The following PCDH9 variants were observed in gnomAD, a reference collection of about 807,000 sequenced individuals.
The protein encoded by PCDH9 is protocadherin 9.
In PCDH9, 24 loss-of-function variants were observed where a neutral mutation model predicts 70.6. The ratio of observed to expected loss-of-function variants is 0.34; its 90% CI spans 0.25 to 0.48. The LOEUF is 0.48. PCDH9 is among the 20% of genes least tolerant of loss of function. PCDH9 has a pLI of 0.99. For missense variants in PCDH9, 1,281 were observed against 1,503.6 expected, an observed-to-expected ratio of 0.85 and a Z score of 2.45; for synonymous variants, 562 against 558.5, an observed-to-expected ratio of 1.01 and a Z score of -0.09.
At chr13:66,693,767 C>G (rs551404478) in intron 3 of PCDH9, among the ~76,000 whole-genome samples, 1 of 152,226 alleles carries the variant, frequency 6.6e-6, no homozygotes, top group South Asian at 2.1e-4. Flanking sequence ...TTAGGTGGGT[C>G]CAGTTAATTA....
rs1333172633 is a variant in PCDH9, at chr13:66,763,952, C to T, written c.3139-132541G>A. Among the ~76,000 whole-genome samples the T allele has an allele frequency of 3.3e-5, 5 of 151,868 alleles. No homozygotes were observed. In the South Asian group the frequency reaches 6.2e-4, roughly 19 times the overall value. ...TAGCTGGGATTACAGGTGCCCACCA[C>T]AACACTCGACTAATTGTTGTATTTT... is the stretch of plus-strand genomic sequence containing the variant. On this transcript the variant is annotated intron_variant, in intron 3 of 4. Transcript: ENST00000377865.
chr13:67,011,467 T>G (rs2084450747), intron 2 of PCDH9, among the ~76,000 whole-genome samples: 1 of 151,976 alleles, frequency 6.6e-6, no homozygotes, highest in Non-Finnish European at 1.5e-5. Flanking sequence ...TGCTTTTCAT[T>G]AGATATCTGT....
chr13:67,216,683 C>T (rs1346428486), intron 2 of PCDH9: 26 of 90,722 alleles, frequency 2.9e-4, no homozygotes, highest in Admixed American at 4.7e-4. Flanking sequence ...TCTTAAGCAA[C>T]ATATATATAT....
chr13:66,464,053 T>C (rs759211544), intron 4 of PCDH9, among the ~76,000 whole-genome samples: 15 of 151,836 alleles, frequency 9.9e-5, no homozygotes, highest in Admixed American at 2.0e-4. Context: ...ACCACCAAAG[T>C]GATCAATGGC....
At chr13:66,721,883 C>T (rs988666406) in intron 3 of PCDH9, among the ~76,000 whole-genome samples, 4 of 152,110 alleles carry the variant, frequency 2.6e-5, no homozygotes, top group Non-Finnish European at 4.4e-5. Flanking sequence ...CTAGAAATTC[C>T]TCATATCTCC....
chr13:66,843,496 C>T (rs1388638687), intron 3 of PCDH9, among the ~76,000 whole-genome samples: 1 of 152,184 alleles, frequency 6.6e-6, no homozygotes, highest in Non-Finnish European at 1.5e-5. Context: ...CTGGAATCCA[C>T]TTCATTTATT....
intron 4 of PCDH9, among the ~76,000 whole-genome samples, chr13:66,389,176 CA>C (rs1956978361): frequency 6.6e-6 from 1 of 152,068 alleles, no homozygotes; most frequent in Non-Finnish European, 1.5e-5. Context: ...CAAATCTTAG[CA>C]TCTAGTCCTA....
chr13:66,485,015 T>C (rs189808683), intron 4 of PCDH9, among the ~76,000 whole-genome samples: 1 of 152,360 alleles, frequency 6.6e-6, no homozygotes, highest in African/African-American at 2.4e-5. Context: ...TTATTTATGT[T>C]TTCACAAAAT....
At chr13:66,561,187 G>A (rs1326790106) in intron 4 of PCDH9, among the ~76,000 whole-genome samples, 3 of 152,242 alleles carry the variant, frequency 2.0e-5, no homozygotes, top group Non-Finnish European at 4.4e-5. Context: ...CACCGGGGCA[G>A]TGAGGGGCTT....
At chr13:66,515,439 C>T (rs757347537) in intron 4 of PCDH9, among the ~76,000 whole-genome samples, 4 of 151,660 alleles carry the variant, frequency 2.6e-5, no homozygotes, top group Non-Finnish European at 4.4e-5. Context: ...ATAAAAGTTC[C>T]ACGGATAAAA....
intron 2 of PCDH9, among the ~76,000 whole-genome samples, chr13:66,976,473 T>C (rs1450685150): frequency 6.6e-6 from 1 of 152,124 alleles, no homozygotes; most frequent in Non-Finnish European, 1.5e-5. Flanking sequence ...CCTGAATTTT[T>C]TCCAGTAAAA....
intron 4 of PCDH9, among the ~76,000 whole-genome samples, chr13:66,419,879 C>G (rs958603110): frequency 2.0e-5 from 3 of 151,944 alleles, no homozygotes; most frequent in African/African-American, 4.8e-5. Flanking sequence ...TCTGGCTCAG[C>G]AGATCCCACC....
intron 3 of PCDH9, among the ~76,000 whole-genome samples, chr13:66,779,873 A>ATATGTG (rs375882917): frequency 8.6e-6 from 1 of 115,876 alleles, no homozygotes; most frequent in Non-Finnish European, 1.7e-5. Flanking sequence ...ATATACATAT[A>ATATGTG]TGTGTGTGTG....
chr13:67,130,652 C>A lies in PCDH9; in HGVS notation c.3036+94753G>T, dbSNP rs116772437. Among the ~76,000 whole-genome samples the A allele has an allele frequency of 5.3e-5, 8 of 152,118 alleles. No individual in the cohort carries two copies. In the South Asian group the frequency reaches 1.7e-3, roughly 32 times the overall value. ...CAAGAAACACCATGATGACATCTCA[C>A]GGGAACAAGGGCCAGAACTGCCTCA... On this transcript the variant is annotated intron_variant, in intron 2 of 4. Coordinates refer to ENST00000377865, the MANE Select transcript of PCDH9 (RefSeq NM_203487.3).
intron 4 of PCDH9, among the ~76,000 whole-genome samples, chr13:66,516,327 T>C (rs1959733631): frequency 6.6e-6 from 1 of 152,066 alleles, no homozygotes; most frequent in Non-Finnish European, 1.5e-5. Flanking sequence ...TTACTCAATA[T>C]TTCTAATACT....
At chr13:66,696,334 T>C (rs544078032) in intron 3 of PCDH9, among the ~76,000 whole-genome samples, 1 of 152,356 alleles carries the variant, frequency 6.6e-6, no homozygotes, top group South Asian at 2.1e-4. Flanking sequence ...ACTTTTCTAA[T>C]AATTATTCAA....
At chr13:66,392,338 GA>G (rs1421691547) in intron 4 of PCDH9, among the ~76,000 whole-genome samples, 1 of 151,978 alleles carries the variant, frequency 6.6e-6, no homozygotes, top group Non-Finnish European at 1.5e-5. Context: ...TGCAATACAA[GA>G]CAAAAGAATT....
chr13:67,184,050 C>A (rs952387834), intron 2 of PCDH9, among the ~76,000 whole-genome samples: 3 of 152,028 alleles, frequency 2.0e-5, no homozygotes, highest in Admixed American at 2.0e-4. Context: ...GTTGCATTTG[C>A]GTCTTTTAAA....
chr13:66,787,787 C>T (rs2080103340), intron 3 of PCDH9, among the ~76,000 whole-genome samples: 1 of 152,092 alleles, frequency 6.6e-6, no homozygotes, highest in African/African-American at 2.4e-5. Flanking sequence ...GTTGGCGACC[C>T]AGTGCCATAA....
Sources: gnomAD v4.1 joint callset for allele counts (sites outside exome capture counted in the v4.1 genomes callset) on GRCh38, gnomAD v4.1.1 for gene constraint, MANE v1.5 for transcripts, NCBI Gene and HGNC (gene_info 2026-07-23, HGNC 2026-07-21) for gene names.